The following SEPTIN9 variants were observed in gnomAD, a reference collection of about 807,000 sequenced individuals.
SEPTIN9 encodes septin 9, also known as septin-9.
In SEPTIN9, 13 loss-of-function variants were observed where a neutral mutation model predicts 56.6. The observed-to-expected ratio is 0.23, with a 90% CI of 0.15 to 0.37. SEPTIN9 has a LOEUF of 0.37. Ranked by LOEUF, SEPTIN9 falls within the 10% of genes least tolerant of loss-of-function variation. SEPTIN9 has a pLI of 1.00. For missense variants in SEPTIN9, 650 were observed against 823.1 expected (o/e 0.79, Z 2.57); for synonymous variants, 332 against 334.1 (o/e 0.99, Z 0.07).
intron 3 of SEPTIN9, among the ~76,000 whole-genome samples, chr17:77,478,820 A>AAAT (rs57230060): frequency 1.3e-5 from 2 of 151,228 alleles, no homozygotes; most frequent in Non-Finnish European, 3.0e-5. Context: ...AAAAAAAAAA[A>AAAT]GGGTGGAACA....
intron 2 of SEPTIN9, among the ~76,000 whole-genome samples, chr17:77,372,973 C>G (rs933204476): frequency 6.6e-6 from 1 of 152,154 alleles, no homozygotes; most frequent in Non-Finnish European, 1.5e-5. Context: ...ACCCTGCGCC[C>G]GGGGAAGGGG....
At chr17:77,283,634 C>T (rs989083837) in intron 1 of SEPTIN9, among the ~76,000 whole-genome samples, 1 of 152,166 alleles carries the variant, frequency 6.6e-6, no homozygotes, top group Non-Finnish European at 1.5e-5. Flanking sequence ...CTAGACTGTG[C>T]GGGATTATTG....
intron 3 of SEPTIN9, among the ~76,000 whole-genome samples, chr17:77,442,542 G>A (rs772267911): frequency 4.1e-5 from 6 of 145,266 alleles, no homozygotes; most frequent in Admixed American, 6.9e-5. Flanking sequence ...CTTAGGGCCC[G>A]TATACTATCT....
At chr17:77,341,367 G>A (rs770348212) in intron 2 of SEPTIN9, among the ~76,000 whole-genome samples, 14 of 152,214 alleles carry the variant, frequency 9.2e-5, no homozygotes, top group Admixed American at 2.6e-4. Flanking sequence ...GAGAGAGAGC[G>A]GGGAACAGCC....
intron 3 of SEPTIN9, among the ~76,000 whole-genome samples, chr17:77,423,430 C>G (rs2036776119): frequency 6.6e-6 from 1 of 152,238 alleles, no homozygotes; most frequent in Non-Finnish European, 1.5e-5. Flanking sequence ...GGCGAGGCAT[C>G]TCTCACCCCC....
chr17:77,373,868 TCCTCGAGGGCTCGCGAGGCTG>T, intron 2 of SEPTIN9: 1 of 337,548 alleles, frequency 3.0e-6, no homozygotes, highest in East Asian at 5.2e-5. Context: ...GACAGCGACC[TCCTCGAGGGCTCGCGAGGCTG>T]CCTCGGAACT....
At chr17:77,312,267 A>G (rs975992688) in intron 2 of SEPTIN9, among the ~76,000 whole-genome samples, 1 of 152,044 alleles carries the variant, frequency 6.6e-6, no homozygotes, top group Non-Finnish European at 1.5e-5. Context: ...CCTCCACCCG[A>G]TCATTTCCAT....
Position 77,437,659 on chromosome 17 carries a change from GC to G in SEPTIN9, c.721+34959del, listed in dbSNP as rs2037391071. 6.6e-6 allele frequency among the ~76,000 whole-genome samples: 1 copy of G among 152,130 alleles called. No homozygotes were observed. Among genetic ancestry groups the G allele is most frequent in the Non-Finnish European group, 1.5e-5 (1 of 68,006 alleles). On this transcript the variant is annotated intron_variant, in intron 3 of 11. Coordinates refer to ENST00000427177, the MANE Select transcript of SEPTIN9 (RefSeq NM_001113491.2). This position sits in a 1 kb window ranked among gnomAD's most constrained non-coding sequence, Gnocchi z 5.3. ...TCACCATCGCCAGTGGCCCTGGCCT[GC>G]CCAGTCATCCTTCTGGGGTGGCCAA...
chr17:77,366,832 G>A (rs2034586393), intron 2 of SEPTIN9, among the ~76,000 whole-genome samples: 1 of 152,222 alleles, frequency 6.6e-6, no homozygotes, highest in African/African-American at 2.4e-5. Flanking sequence ...GTGGGGAACC[G>A]GGGAGCCATG....
chr17:77,334,519 A>G (rs2033472858), intron 2 of SEPTIN9, among the ~76,000 whole-genome samples: 1 of 150,430 alleles, frequency 6.6e-6, no homozygotes, highest in South Asian at 2.1e-4. Flanking sequence ...TTTTTTTTCC[A>G]CATTGCTCCT....
Position 77,453,863 on chromosome 17 carries a change from T to TTAGGAGCCC in SEPTIN9, c.722-28280_722-28272dup, listed in dbSNP as rs2038078946. The TTAGGAGCCC allele has an allele frequency of 6.1e-6, 1 of 164,944 alleles. No individual in the cohort carries two copies. Among genetic ancestry groups the TTAGGAGCCC allele is most frequent in the Non-Finnish European group, 1.3e-5 (1 of 79,730 alleles). 10.2% of individuals were successfully genotyped at this position (164,944 alleles called of 1,614,324 possible). On this transcript the variant is annotated intron_variant, in intron 3 of 11. Transcript: ENST00000427177. This position sits in a 1 kb window ranked among gnomAD's most constrained non-coding sequence, Gnocchi z 4.4. Reference sequence around the variant, plus strand: ...TCCACAGGAGGGGACAACCCCGTCCTTAGGAGCCCCTTCTCCCTGCCCCCA... The same window carrying TTAGGAGCCC: ...TCCACAGGAGGGGACAACCCCGTCCTTAGGAGCCCTAGGAGCCCCTTCTCCCTGCCCCCA...
intron 2 of SEPTIN9, among the ~76,000 whole-genome samples, chr17:77,395,408 A>T (rs2035673972): frequency 6.6e-6 from 1 of 151,942 alleles, no homozygotes; most frequent in South Asian, 2.1e-4. Flanking sequence ...GGGCACCTGT[A>T]GTCCCAGCTA....
At position 77,397,330 on chromosome 17, in the gene SEPTIN9, G is replaced by A. The variant is rs79008708; in HGVS notation, c.77-4729G>A. Among the ~76,000 whole-genome samples the A allele has an allele frequency of 5.9e-3, 903 of 152,164 alleles. 11 individuals carry two copies. Among genetic ancestry groups the A allele is most frequent in the African/African-American group, 0.021 (857 of 41,524 alleles). On this transcript the variant is annotated intron_variant, in intron 2 of 11. Coordinates refer to ENST00000427177, the MANE Select transcript of SEPTIN9 (RefSeq NM_001113491.2). ...CTCTCATCACGTAGCCCTCCCCACC[G>A]TGTCTCTTTGTGTCCCAAGTCCCCT...
chr17:77,437,380 C>T lies in SEPTIN9; in HGVS notation c.721+34677C>T, dbSNP rs757555791. ...CCCCCAGGAGCTCCCTATGGGGAAG[C>T]CGGAATGGACCTGGGCTCAGAGATT... On this transcript the variant is annotated intron_variant, in intron 3 of 11. Transcript: ENST00000427177. The surrounding 1 kb of genome is among the most constrained non-coding windows in gnomAD (Gnocchi z 5.3). Among the ~76,000 whole-genome samples the T allele has an allele frequency of 6.6e-6, 1 of 152,142 alleles. No homozygotes were observed. The highest frequency in any genetic ancestry group is 1.5e-5 in the Non-Finnish European group (1 of 68,014).
chr17:77,406,582 G>T (rs1383653663), intron 3 of SEPTIN9, among the ~76,000 whole-genome samples: 1 of 151,926 alleles, frequency 6.6e-6, no homozygotes, highest in Non-Finnish European at 1.5e-5. Context: ...CATGCTTGAG[G>T]TTTTGCTGTA....
rs901153689 is a variant in SEPTIN9, at chr17:77,499,614, G to A, written c.*956G>A. On this transcript the variant is annotated 3_prime_UTR_variant, in exon 12 of 12. Transcript: ENST00000427177. ...CTGGTCAGAGTGGCGTGAGCTGCCCGGCGCCTGCCCTGCCCAAGTGACCAG... is the reference window on the plus strand; with the variant it reads ...CTGGTCAGAGTGGCGTGAGCTGCCCAGCGCCTGCCCTGCCCAAGTGACCAG... The A allele has an allele frequency of 8.0e-5, 35 of 435,360 alleles. No homozygotes were observed. The highest frequency in any genetic ancestry group is 5.9e-4 in the Admixed American group (17 of 28,760). The allele number at this position is 435,360 out of a possible 1,614,324, so 27.0% of individuals were successfully genotyped here.
At chr17:77,488,445 A>G in intron 6 of SEPTIN9, 124 bp downstream of exon 6, 1 of 932,750 alleles carries the variant, frequency 1.1e-6, no homozygotes, top group South Asian at 1.4e-5. Flanking sequence ...GGGACCTGAC[A>G]TGCTGCCAAA....
intron 2 of SEPTIN9, among the ~76,000 whole-genome samples, chr17:77,384,233 C>T (rs545844223): frequency 1.3e-5 from 2 of 152,234 alleles, no homozygotes; most frequent in South Asian, 4.2e-4. Context: ...CATGGATTTC[C>T]GAGGCCCTGA....
At chr17:77,281,790 G>T in intron 1 of SEPTIN9, 1 of 503,522 alleles carries the variant, frequency 2.0e-6, no homozygotes, top group Non-Finnish European at 3.5e-6. Flanking sequence ...GGGCTGCCCT[G>T]GGGGACGCTC....
Sources: allele counts gnomAD v4.1 joint callset (sites outside exome capture counted in the v4.1 genomes callset), GRCh38; gene constraint gnomAD v4.1.1; non-coding constraint Gnocchi (gnomAD v3.1); transcripts MANE v1.5; gene names NCBI Gene and HGNC (gene_info 2026-07-23, HGNC 2026-07-21).